Variants in EPS15 observed in about 807,000 individuals in gnomAD.
EPS15 encodes the protein epidermal growth factor receptor pathway substrate 15.
EPS15 carries 72 observed loss-of-function variants against 113.8 expected under a neutral mutation model. The observed-to-expected ratio is 0.63, with a 90% confidence interval of 0.52 to 0.77. The LOEUF (loss-of-function observed/expected upper bound fraction) is 0.77, where lower values mean the gene tolerates loss of function less well. EPS15 is among the 30% of genes least tolerant of loss of function. The pLI, the probability that EPS15 is intolerant of heterozygous loss-of-function variation, is 0.00. For missense variants in EPS15, 1,048 were observed against 1,045.8 expected (o/e 1.00, Z -0.03); for synonymous variants, 344 against 363.4 (o/e 0.95, Z 0.61).
chr1:51,365,259 G>C (rs1646483259), intron 22 of EPS15, among the ~76,000 whole-genome samples: 1 of 152,156 alleles, frequency 6.6e-6, no homozygotes, highest in South Asian at 2.1e-4. Context: ...TGACATTTCA[G>C]GCTGGACGTA....
At chr1:51,427,615 A>C in intron 12 of EPS15, among the ~76,000 whole-genome samples, 1 of 152,212 alleles carries the variant, frequency 6.6e-6, no homozygotes, top group South Asian at 2.1e-4. Flanking sequence ...GTATCACTGA[A>C]GGCAGGATGA....
intron 8 of EPS15, among the ~76,000 whole-genome samples, chr1:51,455,530 C>A (rs553658682): frequency 3.1e-4 from 47 of 151,796 alleles, no homozygotes; most frequent in African/African-American, 9.4e-4. Context: ...GTGGAGGTTG[C>A]GGTGAGCCGA....
chr1:51,491,197 T>C (rs1232466311), intron 1 of EPS15, among the ~76,000 whole-genome samples: 3 of 152,230 alleles, frequency 2.0e-5, no homozygotes, highest in Non-Finnish European at 4.4e-5. Flanking sequence ...TGCACACAAT[T>C]TTCTGTAATT....
At chr1:51,518,682 G>A (rs1201843505) in intron 1 of EPS15, among the ~76,000 whole-genome samples, 1 of 152,176 alleles carries the variant, frequency 6.6e-6, no homozygotes, top group Non-Finnish European at 1.5e-5. Flanking sequence ...GGTCTGGAGA[G>A]GAAAGACTGG....
intron 21 of EPS15, among the ~76,000 whole-genome samples, chr1:51,393,086 A>T (rs1647550196): frequency 1.3e-5 from 2 of 152,194 alleles, no homozygotes; most frequent in East Asian, 3.8e-4. Context: ...TATTTTCTAC[A>T]TATCTCCTTT....
At chr1:51,434,576 G>C (rs1651987854) in intron 12 of EPS15, among the ~76,000 whole-genome samples, 1 of 152,206 alleles carries the variant, frequency 6.6e-6, no homozygotes, top group Non-Finnish European at 1.5e-5. Context: ...GTAGAGTATG[G>C]GGAGTTATTG....
chr1:51,430,394 C>T (rs1268149547), intron 12 of EPS15, among the ~76,000 whole-genome samples: 2 of 151,788 alleles, frequency 1.3e-5, no homozygotes, highest in Non-Finnish European at 2.9e-5. Context: ...CTCGCTGAAA[C>T]CCCATCTCTA....
chr1:51,421,718 T>C (rs1570267813), intron 13 of EPS15, 68 bp downstream of exon 13: 1 of 921,464 alleles, frequency 1.1e-6, no homozygotes, highest in Non-Finnish European at 1.6e-6. Context: ...AAATAGTAAA[T>C]AACCATATAA....
chr1:51,421,675 T>C (rs1056603143), intron 13 of EPS15, 111 bp downstream of exon 13: 16 of 517,796 alleles, frequency 3.1e-5, no homozygotes, highest in Admixed American at 2.9e-4. Context: ...ATATAAACAT[T>C]AGGCATTCTC....
intron 4 of EPS15, among the ~76,000 whole-genome samples, chr1:51,469,666 A>C (rs749701928): frequency 3.3e-5 from 5 of 152,068 alleles, no homozygotes; most frequent in Non-Finnish European, 5.9e-5. Flanking sequence ...TTCATAACCC[A>C]TTCTTATCAC....
intron 8 of EPS15, among the ~76,000 whole-genome samples, chr1:51,448,885 G>C (rs182523776): frequency 3.3e-5 from 5 of 152,250 alleles, no homozygotes; most frequent in Admixed American, 3.3e-4. Flanking sequence ...TATCCCTCTT[G>C]CCCTCTCTAC....
intron 12 of EPS15, among the ~76,000 whole-genome samples, chr1:51,430,977 T>TACACAC (rs67920039): frequency 6.7e-4 from 82 of 122,078 alleles, no homozygotes; most frequent in East Asian, 3.7e-3. Flanking sequence ...ATTACTTACA[T>TACACAC]ACACACACAC....
chr1:51,448,035 G>C lies in EPS15; in HGVS notation c.651+11C>G. ...AGAGGGGATCAACCGCACAGAGCCTGATATACTGACCGTTTTTCTCTTAGA... is the reference window on the plus strand; with the variant it reads ...AGAGGGGATCAACCGCACAGAGCCTCATATACTGACCGTTTTTCTCTTAGA... On this transcript the variant is annotated intron_variant, in intron 9 of 24. Transcript: ENST00000371733. The C allele has an allele frequency of 6.2e-7, 1 of 1,613,134 alleles. No homozygotes were observed. The highest frequency in any genetic ancestry group is 1.3e-5 in the African/African-American group (1 of 75,012).
intron 22 of EPS15, among the ~76,000 whole-genome samples, chr1:51,365,672 G>A (rs899324574): frequency 6.6e-6 from 1 of 152,158 alleles, no homozygotes; most frequent in Non-Finnish European, 1.5e-5. Flanking sequence ...TCAATTGGGA[G>A]AAACATGTTT....
chr1:51,430,388 C>T lies in EPS15; in HGVS notation c.1041-8530G>A, dbSNP rs191360700. ...GTTCGAGACAAGCCTGGCCAACTCG[C>T]TGAAACCCCATCTCTACTAAAAATA... On this transcript the variant is annotated intron_variant, in intron 12 of 24. Coordinates refer to ENST00000371733, the MANE Select transcript of EPS15 (RefSeq NM_001981.3). 2.4e-4 allele frequency among the ~76,000 whole-genome samples: 36 copies of T among 151,648 alleles called. No individual in the cohort carries two copies. The East Asian group carries it at 7.0e-3, about 30-fold the overall frequency.
At chr1:51,506,883 G>C (rs1474015007) in intron 1 of EPS15, among the ~76,000 whole-genome samples, 1 of 151,714 alleles carries the variant, frequency 6.6e-6, no homozygotes, top group Non-Finnish European at 1.5e-5. Flanking sequence ...TGCAGAGAAG[G>C]GTGAAAACTG....
Position 51,444,917 on chromosome 1 carries a change from G to A in EPS15, c.926C>T (p.Pro309Leu), listed in dbSNP as rs1439430593. ...PPHVLTPEMI[P>L]PSDRASLQKN... Reference sequence around the variant, plus strand: ...TTGTAAACTGGCCCTGTCTGATGGTGGAATCATTTCAGGAGTAAGAACGTG... The same window carrying A: ...TTGTAAACTGGCCCTGTCTGATGGTAGAATCATTTCAGGAGTAAGAACGTG... Residue 309 changes from proline to leucine, a missense_variant, in exon 11 of 25, where the codon CCA becomes CTA. Physicochemically the swap from Pro to Leu is moderately conservative, Grantham distance 98. Coordinates refer to ENST00000371733, the MANE Select transcript of EPS15 (RefSeq NM_001981.3). 1.6e-5 allele frequency: 26 copies of A among 1,613,670 alleles called. No individual in the cohort carries two copies. The highest frequency in any genetic ancestry group is 2.1e-5 in the Non-Finnish European group (25 of 1,179,832).
chr1:51,375,935 A>G (rs1646786362), intron 21 of EPS15, among the ~76,000 whole-genome samples: 1 of 152,268 alleles, frequency 6.6e-6, no homozygotes, highest in South Asian at 2.1e-4. Context: ...AGGATTTTAA[A>G]AAGAAGAAAA....
chr1:51,430,253 A>G (rs528861747), intron 12 of EPS15, among the ~76,000 whole-genome samples: 5 of 152,278 alleles, frequency 3.3e-5, no homozygotes, highest in African/African-American at 1.2e-4. Context: ...TTTGAAAGTT[A>G]CATGACCTTT....
Sources: allele counts gnomAD v4.1 joint callset (sites outside exome capture counted in the v4.1 genomes callset), GRCh38; gene constraint gnomAD v4.1.1; transcripts MANE v1.5; gene names NCBI Gene and HGNC (gene_info 2026-07-23, HGNC 2026-07-21).